The following PTPRN2 variants were observed in gnomAD, a reference collection of about 807,000 sequenced individuals.
The protein encoded by PTPRN2 is receptor-type tyrosine-protein phosphatase N2.
PTPRN2 carries 74 observed loss-of-function variants against 118.8 expected under a neutral mutation model. The ratio of observed to expected loss-of-function variants is 0.62; its 90% CI spans 0.52 to 0.76. The LOEUF (loss-of-function observed/expected upper bound fraction) is 0.76. Ranked by LOEUF, PTPRN2 falls within the 30% of genes least tolerant of loss-of-function variation. The pLI is 0.00. For synonymous variants in PTPRN2, 641 were observed against 608.0 expected, an observed-to-expected ratio of 1.05 and a Z score of -0.80; for missense variants, 1,481 against 1,394.4, an observed-to-expected ratio of 1.06 and a Z score of -0.99.
chr7:158,494,854 G>C (rs1821712350), intron 1 of PTPRN2, among the ~76,000 whole-genome samples: 1 of 152,130 alleles, frequency 6.6e-6, no homozygotes, highest in African/African-American at 2.4e-5. Flanking sequence ...TTGGTACAAG[G>C]AACACACACA....
At position 157,987,352 on chromosome 7, in the gene PTPRN2, G is replaced by C. The variant is rs1312737316; in HGVS notation, c.1724-88615C>G. Among the ~76,000 whole-genome samples the C allele has an allele frequency of 1.3e-5, 2 of 148,682 alleles. No homozygotes were observed. Among genetic ancestry groups the C allele is most frequent in the Non-Finnish European group, 3.0e-5 (2 of 67,432 alleles). ...AAAGGGAAAGGGGGCGTGATGACCA[G>C]TCACTAGTGGGGGTGAGACAACCGG... On this transcript the variant is annotated intron_variant, in intron 11 of 22. Transcript: ENST00000389418. This position sits in a 1 kb window ranked among gnomAD's most constrained non-coding sequence, Gnocchi z 4.3.
In PTPRN2 at chr7:158,273,458, A is replaced by G. The variant is rs951110999; in HGVS notation, c.277+43361T>C. On this transcript the variant is annotated intron_variant, in intron 3 of 22. Coordinates refer to ENST00000389418, the MANE Select transcript of PTPRN2 (RefSeq NM_002847.5). Reference sequence around the variant, plus strand: ...CAGACAGACGCGGGAGGAGCCGCAGACGCAGGGGGAGCCGCAGGCACAGGG... The same window carrying G: ...CAGACAGACGCGGGAGGAGCCGCAGGCGCAGGGGGAGCCGCAGGCACAGGG... 2.8e-3 allele frequency among the ~76,000 whole-genome samples: 192 copies of G among 68,794 alleles called. 9 individuals are homozygous for G. Among genetic ancestry groups the G allele is most frequent in the East Asian group, 6.3e-3 (15 of 2,376 alleles). The allele number at this position is 68,794 out of a possible 152,430, so 45.1% of individuals were successfully genotyped here. A position where few individuals can be genotyped will look rare whatever the true frequency, so the allele number is the denominator to read the frequency against.
At chr7:158,313,309 C>T (rs1423519294) in intron 3 of PTPRN2, among the ~76,000 whole-genome samples, 1 of 152,184 alleles carries the variant, frequency 6.6e-6, no homozygotes, top group African/African-American at 2.4e-5. Flanking sequence ...GAAATGCCCA[C>T]CCCAGGACAC....
chr7:158,459,303 T>C (rs62480026), intron 2 of PTPRN2, among the ~76,000 whole-genome samples: 52,081 of 88,634 alleles, frequency 0.59, 12,237 homozygotes, highest in Middle Eastern at 0.61. Context: ...CTGCCTGGGA[T>C]GAATGGGCTC....
At chr7:157,544,048 G>A (rs1018556745) in intron 22 of PTPRN2, among the ~76,000 whole-genome samples, 2 of 151,892 alleles carry the variant, frequency 1.3e-5, no homozygotes, top group Non-Finnish European at 2.9e-5. Context: ...GACGGAGAGA[G>A]GTGGAGAGAG....
chr7:158,126,014 G>C (rs1051391148), intron 9 of PTPRN2, among the ~76,000 whole-genome samples: 2 of 139,826 alleles, frequency 1.4e-5, no homozygotes, highest in Non-Finnish European at 3.1e-5. Flanking sequence ...CACCAGCCCC[G>C]GAGAGCGGGC....
chr7:158,072,181 G>A (rs552301555), intron 11 of PTPRN2, among the ~76,000 whole-genome samples: 14 of 151,926 alleles, frequency 9.2e-5, no homozygotes, highest in East Asian at 3.9e-4. Context: ...GCTGACCAGC[G>A]TGCATTTAAC....
chr7:157,692,787 T>A (rs1797573045), intron 12 of PTPRN2, among the ~76,000 whole-genome samples: 1 of 151,796 alleles, frequency 6.6e-6, no homozygotes, highest in Non-Finnish European at 1.5e-5. Flanking sequence ...ACGGGGTACA[T>A]CACCTTGGCC....
intron 2 of PTPRN2, among the ~76,000 whole-genome samples, chr7:158,441,474 G>A (rs1817197188): frequency 6.7e-6 from 1 of 148,836 alleles, no homozygotes; most frequent in South Asian, 2.1e-4. Context: ...TGATGGTCAT[G>A]GCAGTGGTGG....
intron 5 of PTPRN2, among the ~76,000 whole-genome samples, chr7:158,171,520 T>C (rs1469569425): frequency 1.3e-5 from 2 of 151,652 alleles, no homozygotes; most frequent in African/African-American, 2.4e-5. Context: ...AGCTAACTTT[T>C]CTGCATTTTT....
intron 11 of PTPRN2, among the ~76,000 whole-genome samples, chr7:157,928,186 TA>T (rs1180100351): frequency 2.0e-5 from 3 of 152,270 alleles, no homozygotes; most frequent in African/African-American, 7.2e-5. Context: ...CCCAAGACCG[TA>T]AAACCAGGGC....
chr7:157,725,330 C>T (rs1321580527), intron 12 of PTPRN2, among the ~76,000 whole-genome samples: 19 of 96,468 alleles, frequency 2.0e-4, no homozygotes, highest in Non-Finnish European at 3.6e-4. Flanking sequence ...CCCTCGCCTC[C>T]CAGGAGAACT....
intron 12 of PTPRN2, among the ~76,000 whole-genome samples, chr7:157,822,508 A>G (rs1563144731): frequency 6.6e-6 from 1 of 151,934 alleles, no homozygotes; most frequent in African/African-American, 2.4e-5. Flanking sequence ...CCACCTATAT[A>G]TTAGCCATTA....
intron 12 of PTPRN2, among the ~76,000 whole-genome samples, chr7:157,775,805 G>A (rs796874707): frequency 1.8e-4 from 28 of 152,250 alleles, no homozygotes; most frequent in African/African-American, 6.5e-4. Flanking sequence ...TCCTCACAGG[G>A]CATCTGCTCA....
chr7:157,983,353 C>A (rs539006826), intron 11 of PTPRN2, among the ~76,000 whole-genome samples: 1 of 151,038 alleles, frequency 6.6e-6, no homozygotes, highest in African/African-American at 2.4e-5. Context: ...AGGGTCCCCC[C>A]TAAACCCCGA....
At chr7:157,978,714 T>A (rs1802924623) in intron 11 of PTPRN2, among the ~76,000 whole-genome samples, 1 of 152,028 alleles carries the variant, frequency 6.6e-6, no homozygotes, top group Non-Finnish European at 1.5e-5. Context: ...GCTCCCCCAC[T>A]TCCCTCTGGG....
At position 157,541,520 on chromosome 7, in the gene PTPRN2, G is replaced by GT. The variant is rs1380845413; in HGVS notation, c.2977-736dup. 3.3e-5 allele frequency among the ~76,000 whole-genome samples: 5 copies of GT among 152,256 alleles called. 1 individual carries two copies. Among genetic ancestry groups the GT allele is most frequent in the Non-Finnish European group, 7.3e-5 (5 of 68,046 alleles). ...AGACCAGGGCTTAGCGCCGGAGAGC[G>GT]TATCTGCCTCCTCTCCCACAGATGA... On this transcript the variant is annotated intron_variant, in intron 22 of 22. Transcript: ENST00000389418.
chr7:157,803,512 G>T (rs1805446351), intron 12 of PTPRN2, among the ~76,000 whole-genome samples: 1 of 152,160 alleles, frequency 6.6e-6, no homozygotes, highest in Non-Finnish European at 1.5e-5. Context: ...CCTTTGCCTA[G>T]ATGAATGTCA....
intron 10 of PTPRN2, among the ~76,000 whole-genome samples, chr7:158,098,487 T>G (rs190338752): frequency 1.3e-5 from 2 of 152,192 alleles, no homozygotes; most frequent in Non-Finnish European, 2.9e-5. Context: ...GCTCCCGGAA[T>G]GCGGAGAAGC....
Sources: allele counts gnomAD v4.1 joint callset (sites outside exome capture counted in the v4.1 genomes callset), GRCh38; gene constraint gnomAD v4.1.1; non-coding constraint Gnocchi (gnomAD v3.1); transcripts MANE v1.5; gene names NCBI Gene and HGNC (gene_info 2026-07-23, HGNC 2026-07-21).